DEFB109B: variants seen among roughly 807,000 people sequenced by gnomAD.
The protein encoded by DEFB109B is defensin beta 109B, also known as beta-defensin 109B.
At chr8:7,309,759 G>T (rs1215706228), upstream of DEFB109B, among the ~76,000 whole-genome samples, 3 of 135,516 alleles carry the variant, frequency 2.2e-5, no homozygotes, top group African/African-American at 1.0e-4. Flanking sequence ...ACTTGTATAG[G>T]CAAGAAAGAT....
At chr8:7,312,978 T>C (rs75109819) in intron 1 of DEFB109B, 75 bp downstream of exon 1, 1 of 134,576 alleles carries the variant, frequency 7.4e-6, no homozygotes, top group Non-Finnish European at 1.5e-5. Flanking sequence ...GAACCTAGAA[T>C]CAGTCCTGTG....
intron 1 of DEFB109B, among the ~76,000 whole-genome samples, chr8:7,313,653 C>A (rs1228796527): frequency 1.4e-5 from 2 of 143,532 alleles, no homozygotes; most frequent in Admixed American, 6.7e-5. Flanking sequence ...ACAAAAATGG[C>A]TAAAATTTAC....
At chr8:7,316,850 G>C (rs967631328) in intron 1 of DEFB109B, among the ~76,000 whole-genome samples, 1 of 128,738 alleles carries the variant, frequency 7.8e-6, no homozygotes, top group Non-Finnish European at 1.5e-5. Context: ...ACCATCTTGG[G>C]CATGCTGTTC....
chr8:7,310,676 C>A (rs1464327579), upstream of DEFB109B, among the ~76,000 whole-genome samples: 1 of 146,930 alleles, frequency 6.8e-6, no homozygotes, highest in Non-Finnish European at 1.5e-5. Flanking sequence ...TGGGGCTGAT[C>A]TGAAACTATA....
intron 1 of DEFB109B, among the ~76,000 whole-genome samples, chr8:7,315,685 T>C (rs1802873540): frequency 7.4e-6 from 1 of 134,518 alleles, no homozygotes; most frequent in Non-Finnish European, 1.5e-5. Flanking sequence ...CTTATCTCCA[T>C]CAAGGGCAGC....
At chr8:7,316,813 A>T (rs1277296945) in intron 1 of DEFB109B, among the ~76,000 whole-genome samples, 1 of 99,192 alleles carries the variant, frequency 1.0e-5, no homozygotes, top group Non-Finnish European at 1.9e-5. Context: ...ATATATATAC[A>T]TTTTTTTTTA....
upstream of DEFB109B, among the ~76,000 whole-genome samples, chr8:7,310,534 G>C (rs1802560787): frequency 7.2e-6 from 1 of 138,054 alleles, no homozygotes; most frequent in African/African-American, 3.3e-5. Context: ...TAAGAGTTTT[G>C]AGCTGTCTAT....
chr8:7,319,136 C>A lies in DEFB109B; in HGVS notation n.59-610C>A, dbSNP rs1323393551. On this transcript the variant is annotated intron_variant and non_coding_transcript_variant, in intron 1 of 1. Coordinates refer to ENST00000382656, the Ensembl canonical transcript of DEFB109B. ...CAGCCTTTAGCTCTACACACTCCCCCAAAGAAAAAAAATATATAGATAGTT... is the reference window on the plus strand; with the variant it reads ...CAGCCTTTAGCTCTACACACTCCCCAAAAGAAAAAAAATATATAGATAGTT... 1.6e-5 allele frequency: 2 copies of A among 124,254 alleles called. 1 individual carries two copies. The highest frequency in any genetic ancestry group is 7.9e-5 in the African/African-American group (2 of 25,296). 7.7% of individuals were successfully genotyped at this position (124,254 alleles called of 1,614,324 possible). A position where few individuals can be genotyped will look rare whatever the true frequency, so the allele number is the denominator to read the frequency against.
chr8:7,319,942 C>G (rs1482323308), exon 2 of DEFB109B: 2 of 71,236 alleles, frequency 2.8e-5, no homozygotes, highest in South Asian at 6.6e-4. Flanking sequence ...TTAAACCTAA[C>G]TTGAAATGAA....
chr8:7,316,853 T>G, intron 1 of DEFB109B, among the ~76,000 whole-genome samples: 1 of 129,974 alleles, frequency 7.7e-6, no homozygotes, highest in Non-Finnish European at 1.5e-5. Context: ...ATCTTGGGCA[T>G]GCTGTTCTTG....
intron 1 of DEFB109B, among the ~76,000 whole-genome samples, chr8:7,316,681 C>T (rs1349909851): frequency 1.4e-5 from 2 of 144,422 alleles, no homozygotes; most frequent in Non-Finnish European, 2.9e-5. Flanking sequence ...GGCTGGAATG[C>T]AGTGTTGCAA....
At chr8:7,316,166 T>C (rs2128806252) in intron 1 of DEFB109B, among the ~76,000 whole-genome samples, 1 of 3,118 alleles carries the variant, frequency 3.2e-4, no homozygotes, top group South Asian at 6.7e-3. Flanking sequence ...GAGTACCCAA[T>C]TCTATATTAA....
chr8:7,316,792 A>AATATATATATATAT (rs1316201242), intron 1 of DEFB109B, among the ~76,000 whole-genome samples: 1 of 125,460 alleles, frequency 8.0e-6, no homozygotes, highest in African/African-American at 4.3e-5. Context: ...ATCTTCAGCT[A>AATATATATATATAT]ATATATATAT....
intron 1 of DEFB109B, among the ~76,000 whole-genome samples, chr8:7,315,361 C>T (rs1399492820): frequency 2.2e-5 from 3 of 137,982 alleles, no homozygotes; most frequent in East Asian, 2.0e-4. Context: ...TAGCCGGGTG[C>T]GGTGGTACAT....
chr8:7,311,971 T>C (rs1180708626), upstream of DEFB109B, among the ~76,000 whole-genome samples: 1 of 127,618 alleles, frequency 7.8e-6, no homozygotes, highest in East Asian at 2.0e-4. Flanking sequence ...CAAGTCAAGT[T>C]TTATTTTACT....
chr8:7,315,804 T>A (rs917769664), intron 1 of DEFB109B, among the ~76,000 whole-genome samples: 1 of 145,956 alleles, frequency 6.9e-6, no homozygotes, highest in Non-Finnish European at 1.5e-5. Flanking sequence ...TAGCTTTTTT[T>A]AAAGACTTCA....
upstream of DEFB109B, chr8:7,312,799 G>A (rs1293553841): frequency 9.3e-5 from 11 of 118,550 alleles, no homozygotes; most frequent in African/African-American, 4.3e-4. Flanking sequence ...GACCCACGAT[G>A]CCCAGAGACT....
At chr8:7,311,804 T>C (rs1011004056), upstream of DEFB109B, among the ~76,000 whole-genome samples, 1 of 23,954 alleles carries the variant, frequency 4.2e-5, no homozygotes, top group Non-Finnish European at 6.2e-5. Context: ...AACTTTTCCT[T>C]CCCAAAGCAA....
chr8:7,312,124 G>A (rs1270373965), upstream of DEFB109B, among the ~76,000 whole-genome samples: 1 of 116,382 alleles, frequency 8.6e-6, no homozygotes, highest in Non-Finnish European at 1.6e-5. Flanking sequence ...AAGAGTGTTA[G>A]GAAAAGCTTC....
Sources: allele counts gnomAD v4.1 joint callset (sites outside exome capture counted in the v4.1 genomes callset), GRCh38; gene constraint gnomAD v4.1.1; transcripts MANE v1.5; gene names NCBI Gene and HGNC (gene_info 2026-07-23, HGNC 2026-07-21).